MYOCOS: variants seen among roughly 807,000 people sequenced by gnomAD.
MYOCOS encodes the protein myocilin opposite strand protein.
At chr1:171,626,375 C>G (rs1217470372) in intron 2 of MYOCOS, 79 bp from the exon 3 acceptor site, 1 of 396,282 alleles carries the variant, frequency 2.5e-6, no homozygotes, top group Non-Finnish European at 4.4e-6. Flanking sequence ...AACCACCATG[C>G]CCAGTCTGTT....
upstream of MYOCOS, among the ~76,000 whole-genome samples, chr1:171,620,096 A>G (rs1319976599): frequency 1.4e-5 from 2 of 147,948 alleles, no homozygotes; most frequent in African/African-American, 4.9e-5. Flanking sequence ...TAACCTATAT[A>G]TAAAATATAT....
At chr1:171,605,601 A>C (rs1652230075) in intron 1 of MYOCOS, among the ~76,000 whole-genome samples, 1 of 152,120 alleles carries the variant, frequency 6.6e-6, no homozygotes, top group Non-Finnish European at 1.5e-5. Flanking sequence ...TTGCACCATT[A>C]AGCCATCTTT....
At chr1:171,613,994 G>A (rs1008431485) in intron 1 of MYOCOS, among the ~76,000 whole-genome samples, 1 of 152,146 alleles carries the variant, frequency 6.6e-6, no homozygotes, top group Non-Finnish European at 1.5e-5. Flanking sequence ...ATAGCACCCA[G>A]GAAGAGGCAT....
intron 1 of MYOCOS, among the ~76,000 whole-genome samples, chr1:171,610,241 T>C (rs1331970124): frequency 6.6e-6 from 1 of 152,220 alleles, no homozygotes. Context: ...TTGAGTCTCA[T>C]CTTAGAGGCT....
upstream of MYOCOS, among the ~76,000 whole-genome samples, chr1:171,619,693 A>G (rs972485887): frequency 2.6e-5 from 4 of 151,988 alleles, no homozygotes; most frequent in African/African-American, 7.2e-5. Flanking sequence ...TACTAAAAAT[A>G]CAAAAATGTG....
chr1:171,619,113 T>C (rs569166260), upstream of MYOCOS, among the ~76,000 whole-genome samples: 1 of 152,344 alleles, frequency 6.6e-6, no homozygotes, highest in South Asian at 2.1e-4. Context: ...TTTACCCATA[T>C]ATGTATTTGG....
chr1:171,614,282 T>C (rs1226635821), intron 1 of MYOCOS, among the ~76,000 whole-genome samples: 1 of 152,202 alleles, frequency 6.6e-6, no homozygotes, highest in Non-Finnish European at 1.5e-5. Flanking sequence ...AACAGAATAC[T>C]GGGAAAAGAC....
In MYOCOS at chr1:171,626,466, T is replaced by A. The variant is rs1197669555; in HGVS notation, c.108T>A (p.Ile36=). 1 of 398,514 alleles carries A rather than the reference T, an allele frequency of 2.5e-6. No individual in the cohort carries two copies. The highest frequency in any genetic ancestry group is 2.1e-5 in the African/African-American group (1 of 48,622). The allele number at this position is 398,514 out of a possible 1,614,324, so 24.7% of individuals were successfully genotyped here. The part of the protein sequence containing the change: ...RVTMITRKEI[I]TQKSDEAKEM... ...CCTTTCTTCCTAGAAAAGAGATAAT[T>A]ACCCAGAAAAGTGATGAAGCTAAGG... The change falls in exon 3 of 3, where the codon ATT becomes ATA. Residue 36 remains isoleucine, a synonymous_variant. Transcript: ENST00000637642.
At chr1:171,601,259 A>T (rs1256063166) in intron 1 of MYOCOS, among the ~76,000 whole-genome samples, 1 of 152,200 alleles carries the variant, frequency 6.6e-6, no homozygotes, top group East Asian at 1.9e-4. Flanking sequence ...GCGTGGCCTG[A>T]TCACCCAGGG....
chr1:171,603,241 A>G (rs1204309941), intron 1 of MYOCOS, among the ~76,000 whole-genome samples: 1 of 152,202 alleles, frequency 6.6e-6, no homozygotes, highest in African/African-American at 2.4e-5. Flanking sequence ...AGTGAGCTTA[A>G]GAATTTTCAA....
chr1:171,624,649 A>C (rs1171349863), intron 2 of MYOCOS, among the ~76,000 whole-genome samples: 1 of 151,760 alleles, frequency 6.6e-6, no homozygotes, highest in African/African-American at 2.4e-5. Flanking sequence ...ACGGGGTTTC[A>C]CCATTCACAG....
chr1:171,625,831 G>A (rs1652681492), intron 2 of MYOCOS, among the ~76,000 whole-genome samples: 2 of 152,154 alleles, frequency 1.3e-5, no homozygotes, highest in South Asian at 2.1e-4. Flanking sequence ...GCTAATTGAT[G>A]GGAAGAACTA....
At chr1:171,621,456 A>G (rs951535047), upstream of MYOCOS, among the ~76,000 whole-genome samples, 1 of 148,664 alleles carries the variant, frequency 6.7e-6, no homozygotes, top group African/African-American at 2.5e-5. Flanking sequence ...GCTCACTGCA[A>G]GCTCCGCCTC....
At chr1:171,606,460 G>A (rs1336477828) in intron 1 of MYOCOS, among the ~76,000 whole-genome samples, 1 of 858 alleles carries the variant, frequency 1.2e-3, no homozygotes, top group Non-Finnish European at 2.1e-3. Flanking sequence ...CCCGGCACCA[G>A]GCCCCAGGCC....
At chr1:171,606,750 T>C (rs1479646919) in intron 1 of MYOCOS, among the ~76,000 whole-genome samples, 1 of 152,202 alleles carries the variant, frequency 6.6e-6, no homozygotes, top group Admixed American at 6.5e-5. Context: ...AGCTTGCCAA[T>C]GCTCCCAGCT....
Position 171,626,670 on chromosome 1 carries a change from A to G in MYOCOS, c.*69A>G, listed in dbSNP as rs930136047. The G allele has an allele frequency of 7.5e-6, 3 of 398,134 alleles. No individual in the cohort carries two copies. The Admixed American group carries it at 1.3e-4, about 18-fold the overall frequency. The allele number at this position is 398,134 out of a possible 1,614,324, so 24.7% of individuals were successfully genotyped here. Reference sequence around the variant, plus strand: ...GAAAACAGTTTCAGTGGCATTCTTGAGGTTTGTCTTAGAAGACTCTTGAAG... The same window carrying G: ...GAAAACAGTTTCAGTGGCATTCTTGGGGTTTGTCTTAGAAGACTCTTGAAG... On this transcript the variant is annotated 3_prime_UTR_variant, in exon 3 of 3. Coordinates refer to ENST00000637642, the MANE Select transcript of MYOCOS (RefSeq NM_001391940.1).
upstream of MYOCOS, among the ~76,000 whole-genome samples, chr1:171,621,374 G>GTTTTT (rs397974158): frequency 5.9e-4 from 68 of 115,132 alleles, 4 homozygotes; most frequent in African/African-American, 1.4e-3. Flanking sequence ...TCTATGGTGG[G>GTTTTT]TTTTTTTTTT....
At chr1:171,610,047 C>CCAAG (rs1231026359) in intron 1 of MYOCOS, among the ~76,000 whole-genome samples, 8 of 152,164 alleles carry the variant, frequency 5.3e-5, no homozygotes, top group Non-Finnish European at 7.3e-5. Flanking sequence ...CATCTGGCTT[C>CCAAG]CAAGCAAGCA....
upstream of MYOCOS, among the ~76,000 whole-genome samples, chr1:171,620,776 T>TTC (rs1553253953): frequency 6.8e-6 from 1 of 147,046 alleles, no homozygotes; most frequent in Non-Finnish European, 1.5e-5. Context: ...TTTCTTTCTT[T>TTC]TTTTTTTTTT....
Sources: allele counts gnomAD v4.1 joint callset (sites outside exome capture counted in the v4.1 genomes callset), GRCh38; gene constraint gnomAD v4.1.1; transcripts MANE v1.5; gene names NCBI Gene and HGNC (gene_info 2026-07-23, HGNC 2026-07-21).